FAM178B: variants seen among roughly 807,000 people sequenced by gnomAD.
FAM178B encodes protein FAM178B.
In FAM178B, 82 loss-of-function variants were observed where a neutral mutation model predicts 91.7. That is an observed-to-expected ratio of 0.89 (90% CI 0.75 to 1.07). The LOEUF (loss-of-function observed/expected upper bound fraction) is 1.07, where lower values mean the gene tolerates loss of function less well. Among genes scored for constraint, FAM178B ranks in the 50% least tolerant of loss-of-function variants. The pLI is 0.00. For synonymous variants in FAM178B, 368 were observed against 359.4 expected (o/e 1.02, Z -0.27); for missense variants, 769 against 846.7 (o/e 0.91, Z 1.14).
chr2:96,970,632 C>T (rs916655257), intron 4 of FAM178B, 84 bp downstream of exon 4: 19 of 1,101,282 alleles, frequency 1.7e-5, no homozygotes, highest in East Asian at 1.0e-4. Context: ...CGCTGTACTC[C>T]GACCAGACTC....
intron 14 of FAM178B, among the ~76,000 whole-genome samples, chr2:96,892,886 G>A (rs2080716533): frequency 6.6e-6 from 1 of 152,152 alleles, no homozygotes; most frequent in Non-Finnish European, 1.5e-5. Context: ...GAAATACTTG[G>A]CACAAGAGAA....
chr2:96,939,530 AAAAC>A (rs1477609826), intron 8 of FAM178B, among the ~76,000 whole-genome samples: 1 of 152,146 alleles, frequency 6.6e-6, no homozygotes, highest in Non-Finnish European at 1.5e-5. Flanking sequence ...AACAAACAAA[AAAAC>A]AAAGGCAAAG....
Position 96,947,910 on chromosome 2 carries a change from G to GAAA in FAM178B, c.994-11_994-9dup. Reference sequence around the variant, plus strand: ...TGGAGGCCATGTCAGCAGCTAGGTGGAAAAAAAAAACAAAAACAAAAACCT... The same window carrying GAAA: ...TGGAGGCCATGTCAGCAGCTAGGTGGAAAAAAAAAAAAACAAAAACAAAAACCT... On this transcript the variant is annotated splice_polypyrimidine_tract_variant and intron_variant, in intron 7 of 16. Transcript: ENST00000490605. The GAAA allele has an allele frequency of 3.2e-6, 4 of 1,236,654 alleles. No homozygotes were observed. The highest frequency in any genetic ancestry group is 1.6e-5 in the African/African-American group (1 of 61,926). 76.6% of individuals were successfully genotyped at this position (1,236,654 alleles called of 1,614,324 possible).
chr2:96,963,543 C>A (rs1025055832), intron 5 of FAM178B, among the ~76,000 whole-genome samples: 2 of 152,208 alleles, frequency 1.3e-5, no homozygotes, highest in African/African-American at 4.8e-5. Flanking sequence ...GAACTCTGGG[C>A]AGTGTGTGAG....
At position 96,986,392 on chromosome 2, in the gene FAM178B, C is replaced by A. The variant is rs1367774890; in HGVS notation, c.-79G>T. On this transcript the variant is annotated 5_prime_UTR_variant, in exon 1 of 17. Transcript: ENST00000490605. ...GCCTCAGAGGACGGGGCCAGCTAGC[C>A]GGGAAAGGAAGCAGGAGCAGGCTCC... 1 of 1,478,848 alleles carries A rather than the reference C, an allele frequency of 6.8e-7. No individual in the cohort carries two copies. The highest frequency in any genetic ancestry group is 1.3e-5 in the South Asian group (1 of 77,220). 91.6% of individuals were successfully genotyped at this position (1,478,848 alleles called of 1,614,324 possible).
intron 1 of FAM178B, among the ~76,000 whole-genome samples, chr2:96,972,841 G>A (rs532944538): frequency 1.3e-5 from 2 of 152,052 alleles, no homozygotes; most frequent in South Asian, 2.1e-4. Flanking sequence ...TTTTTTAGAC[G>A]GAGTCTCACT....
chr2:96,895,466 G>A (rs1023955536), intron 13 of FAM178B, among the ~76,000 whole-genome samples: 1 of 152,246 alleles, frequency 6.6e-6, no homozygotes. Flanking sequence ...CCCCTCTGGA[G>A]GGAATGTGAC....
chr2:96,880,225 G>C (rs2153367205), intron 14 of FAM178B, among the ~76,000 whole-genome samples: 1 of 152,250 alleles, frequency 6.6e-6, no homozygotes, highest in African/African-American at 2.4e-5. Context: ...GGCCTCAAAG[G>C]AACAGTAGGA....
intron 5 of FAM178B, among the ~76,000 whole-genome samples, chr2:96,962,982 C>G (rs2082102519): frequency 6.6e-6 from 1 of 152,154 alleles, no homozygotes. Flanking sequence ...CTGAACAGTC[C>G]CATCCAGATG....
intron 3 of FAM178B, 23 bp downstream of exon 3, chr2:96,971,878 G>A: frequency 6.8e-7 from 1 of 1,465,526 alleles, no homozygotes; most frequent in Non-Finnish European, 9.0e-7. Flanking sequence ...AGGAGAAGAG[G>A]CCAAGGGTGG....
chr2:96,898,056 C>T, intron 13 of FAM178B: 3 of 985,706 alleles, frequency 3.0e-6, no homozygotes, highest in African/African-American at 1.7e-5. Context: ...TCCTGCCCAG[C>T]AGTGCCCTGC....
chr2:96,970,768 C>T lies in FAM178B; in HGVS notation c.574G>A (p.Gly192Arg), dbSNP rs554513778. Residue 192 changes from glycine to arginine, a missense_variant, in exon 4 of 17, where the codon GGG (glycine) becomes AGG (arginine). Coordinates refer to ENST00000490605, the MANE Select transcript of FAM178B (RefSeq NM_001122646.3). ...TTGTTGAAGTAGCTTCCTGAGCCCCCCCAGGAAAACTGGAGAAACAGGACA... is the reference window on the plus strand; with the variant it reads ...TTGTTGAAGTAGCTTCCTGAGCCCCTCCAGGAAAACTGGAGAAACAGGACA... ...QQAAAPEFSW[G>R]GSGSYFNNLD... 1.9e-6 allele frequency: 3 copies of T among 1,550,986 alleles called. No homozygotes were observed. The African/African-American group carries it at 4.1e-5, about 21-fold the overall frequency.
Position 96,889,712 on chromosome 2 carries a change from ATAAATAAATAC to A in FAM178B, c.1776+4203_1776+4213del, listed in dbSNP as rs1196301001. ...AATAAATAAATAAATAAATAAATAA[ATAAATAAATAC>A]AAAAAAAAATAGAGCATCAGTAGAG... On this transcript the variant is annotated intron_variant, in intron 14 of 16. Coordinates refer to ENST00000490605, the MANE Select transcript of FAM178B (RefSeq NM_001122646.3). Among the ~76,000 whole-genome samples, 101 of 137,488 alleles carry A rather than the reference ATAAATAAATAC, an allele frequency of 7.3e-4. 1 individual carries two copies. The East Asian group carries it at 8.3e-3, about 11-fold the overall frequency. The allele number at this position is 137,488 out of a possible 152,430, so 90.2% of individuals were successfully genotyped here. A position where few individuals can be genotyped will look rare whatever the true frequency, so the allele number is the denominator to read the frequency against.
At chr2:96,971,769 A>G in intron 3 of FAM178B, 132 bp downstream of exon 3, 1 of 843,970 alleles carries the variant, frequency 1.2e-6, no homozygotes, top group Non-Finnish European at 1.7e-6. Flanking sequence ...CTGAGCAGGG[A>G]TGGTCAAGGT....
At chr2:96,942,771 A>C (rs2081755813) in intron 8 of FAM178B, among the ~76,000 whole-genome samples, 1 of 152,234 alleles carries the variant, frequency 6.6e-6, no homozygotes. Context: ...TAGTAATAAC[A>C]AATTTAGAGT....
intron 8 of FAM178B, among the ~76,000 whole-genome samples, chr2:96,930,210 C>CAAAAAAAAAAAAAAAAAA (rs60102987): frequency 2.5e-5 from 1 of 39,460 alleles, no homozygotes; most frequent in African/African-American, 1.4e-4. Context: ...TCCGTCTCTC[C>CAAAAAAAAAAAAAAAAAA]AAAAAAAAAA....
In FAM178B at chr2:96,972,580, C is replaced by T; in HGVS notation, c.100G>A (p.Ala34Thr). The T allele has an allele frequency of 1.9e-6, 3 of 1,551,652 alleles. No individual in the cohort carries two copies. The highest frequency in any genetic ancestry group is 2.6e-6 in the Non-Finnish European group (3 of 1,146,998). ...GCTAGCACCGTCTCCTGGGGCCCAGCCATCTGCAAGCCGTGGGACATCTGT... is the reference window on the plus strand; with the variant it reads ...GCTAGCACCGTCTCCTGGGGCCCAGTCATCTGCAAGCCGTGGGACATCTGT... The part of the protein sequence containing the change: ...TGQMSHGLQM[A>T]GPQETVLALP... Residue 34 changes from alanine to threonine, a missense_variant, in exon 2 of 17, where the codon GCT (alanine) becomes ACT (threonine). Coordinates refer to ENST00000490605, the MANE Select transcript of FAM178B (RefSeq NM_001122646.3).
rs2082284063 is a variant in FAM178B, at chr2:96,976,092, CA to C, written c.74-3487del. ...ATATGGTATATGATAGGCCATAAAACAATTCTTTTTTTTTTTTTTTGAGAGA... is the reference window on the plus strand; with the variant it reads ...ATATGGTATATGATAGGCCATAAAACATTCTTTTTTTTTTTTTTTGAGAGA... On this transcript the variant is annotated intron_variant, in intron 1 of 16. Coordinates refer to ENST00000490605, the MANE Select transcript of FAM178B (RefSeq NM_001122646.3). 1.3e-5 allele frequency among the ~76,000 whole-genome samples: 2 copies of C among 150,748 alleles called. 1 individual carries two copies. The highest frequency in any genetic ancestry group is 4.2e-4 in the South Asian group (2 of 4,786).
chr2:96,896,485 C>G lies in FAM178B; in HGVS notation c.1651-2434G>C, dbSNP rs1328922094. Among the ~76,000 whole-genome samples, 4 of 152,270 alleles carry G rather than the reference C, an allele frequency of 2.6e-5. No individual in the cohort carries two copies. The South Asian group carries it at 6.2e-4, about 24-fold the overall frequency. On this transcript the variant is annotated intron_variant, in intron 13 of 16. Coordinates refer to ENST00000490605, the MANE Select transcript of FAM178B (RefSeq NM_001122646.3). ...GGCCAGACCAGAACTCTCCCTACAC[C>G]GACATCACTGCTGGCAGCTGGCTCT...
Sources: gnomAD v4.1 joint callset for allele counts (sites outside exome capture counted in the v4.1 genomes callset) on GRCh38, gnomAD v4.1.1 for gene constraint, MANE v1.5 for transcripts, NCBI Gene and HGNC (gene_info 2026-07-23, HGNC 2026-07-21) for gene names.